SLX4IP: variants seen among roughly 807,000 people sequenced by gnomAD.
The protein encoded by SLX4IP is protein SLX4IP.
SLX4IP carries 34 observed loss-of-function variants against 32.9 expected under a neutral mutation model. That is an observed-to-expected ratio of 1.03 (90% CI 0.79 to 1.38). The LOEUF (loss-of-function observed/expected upper bound fraction) is 1.38, where lower values mean the gene tolerates loss of function less well. Ranked by LOEUF, SLX4IP falls within the 40% of genes most tolerant of loss-of-function variation. The probability of loss-of-function intolerance (pLI) is 0.00; values close to 1 mark genes in which losing one functional copy is unlikely to be tolerated. For synonymous variants in SLX4IP, 172 were observed against 171.7 expected (o/e 1.00, Z -0.01); for missense variants, 444 against 479.0 (o/e 0.93, Z 0.68).
chr20:10,498,534 T>G (rs999495290), intron 2 of SLX4IP, among the ~76,000 whole-genome samples: 1 of 152,174 alleles, frequency 6.6e-6, no homozygotes, highest in Non-Finnish European at 1.5e-5. Context: ...GTTATCTCAG[T>G]TTTGAAGTGT....
At chr20:10,621,537 T>C (rs1423373487) in intron 7 of SLX4IP, 123 bp downstream of exon 7, 1 of 777,398 alleles carries the variant, frequency 1.3e-6, no homozygotes, top group Non-Finnish European at 2.2e-6. Context: ...CGTCACGTAC[T>C]TACTCTCCCC....
At chr20:10,555,763 CA>C (rs2066260275) in intron 2 of SLX4IP, among the ~76,000 whole-genome samples, 2 of 152,252 alleles carry the variant, frequency 1.3e-5, no homozygotes, top group Admixed American at 1.3e-4. Flanking sequence ...ATTTCAATTC[CA>C]AAGTGTACCG....
rs555820023 is a variant in SLX4IP at position 10,483,865 on chromosome 20, C to G, written c.27+25634C>G. On this transcript the variant is annotated intron_variant, in intron 2 of 7. Coordinates refer to ENST00000334534, the MANE Select transcript of SLX4IP (RefSeq NM_001009608.3). ...CCTTCCTCTGAAGCAAATCGTAAGA[C>G]CTTATTTGAGAAGTGCCCTCTCTAT... Among the ~76,000 whole-genome samples the G allele has an allele frequency of 2.0e-5, 3 of 146,430 alleles. No homozygotes were observed. In the Admixed American group the frequency reaches 2.2e-4, roughly 11 times the overall value.
At chr20:10,496,774 G>C (rs919306122) in intron 2 of SLX4IP, among the ~76,000 whole-genome samples, 2 of 152,146 alleles carry the variant, frequency 1.3e-5, no homozygotes, top group African/African-American at 4.8e-5. Flanking sequence ...ACTGTGCCAG[G>C]TAGCCTTCTA....
intron 1 of SLX4IP, among the ~76,000 whole-genome samples, chr20:10,452,803 A>G (rs2065254148): frequency 6.6e-6 from 1 of 151,538 alleles, no homozygotes; most frequent in African/African-American, 2.4e-5. Flanking sequence ...GTGAGCCTAG[A>G]TTGAGCCACT....
intron 6 of SLX4IP, among the ~76,000 whole-genome samples, chr20:10,610,525 T>G (rs1466748300): frequency 6.6e-6 from 1 of 152,204 alleles, no homozygotes; most frequent in Non-Finnish European, 1.5e-5. Flanking sequence ...GCAGATGGCT[T>G]GGCCATCCAG....
chr20:10,440,614 C>A (rs1266211192), intron 1 of SLX4IP, among the ~76,000 whole-genome samples: 1 of 152,108 alleles, frequency 6.6e-6, no homozygotes, highest in Non-Finnish European at 1.5e-5. Flanking sequence ...TCCATCAGCT[C>A]CTTCCTCCCC....
intron 6 of SLX4IP, among the ~76,000 whole-genome samples, chr20:10,618,209 G>A (rs551682211): frequency 4.6e-5 from 7 of 152,270 alleles, no homozygotes; most frequent in Admixed American, 3.9e-4. Context: ...GGTCTCCAGA[G>A]TACCCCCAAA....
At chr20:10,467,367 A>G (rs2065388634) in intron 2 of SLX4IP, among the ~76,000 whole-genome samples, 1 of 152,210 alleles carries the variant, frequency 6.6e-6, no homozygotes, top group Non-Finnish European at 1.5e-5. Flanking sequence ...AAATGGTTAT[A>G]TTCCTTACTG....
At chr20:10,573,974 T>C (rs556705735) in intron 4 of SLX4IP, among the ~76,000 whole-genome samples, 19 of 152,256 alleles carry the variant, frequency 1.2e-4, no homozygotes, top group Non-Finnish European at 2.5e-4. Flanking sequence ...TTTTCAGGAA[T>C]GGGTAATTTG....
intron 3 of SLX4IP, among the ~76,000 whole-genome samples, chr20:10,556,546 A>G (rs1202406990): frequency 6.6e-6 from 1 of 152,152 alleles, no homozygotes; most frequent in Non-Finnish European, 1.5e-5. Context: ...TTTAAACCAG[A>G]CATTTTATAC....
chr20:10,590,434 C>T (rs1327104756), intron 4 of SLX4IP, among the ~76,000 whole-genome samples: 1 of 152,048 alleles, frequency 6.6e-6, no homozygotes, highest in African/African-American at 2.4e-5. Flanking sequence ...GATCTCGGCT[C>T]ACTGCAACCT....
At chr20:10,592,738 G>A (rs1284157779) in intron 4 of SLX4IP, among the ~76,000 whole-genome samples, 4 of 132,472 alleles carry the variant, frequency 3.0e-5, no homozygotes, top group Non-Finnish European at 4.6e-5. Context: ...GGGTTCAAAC[G>A]ATTCTCTTGC....
chr20:10,531,409 A>C (rs1168903088), intron 2 of SLX4IP, among the ~76,000 whole-genome samples: 2 of 152,164 alleles, frequency 1.3e-5, no homozygotes, highest in Non-Finnish European at 2.9e-5. Context: ...TGCCTCCTTG[A>C]TCTGACATGG....
At chr20:10,499,986 G>C (rs2065701781) in intron 2 of SLX4IP, among the ~76,000 whole-genome samples, 1 of 152,140 alleles carries the variant, frequency 6.6e-6, no homozygotes, top group Admixed American at 6.5e-5. Context: ...ACAATTATTA[G>C]ATGACTTATT....
At chr20:10,458,263 G>T (rs769433837) in intron 2 of SLX4IP, 32 bp downstream of exon 2, 2 of 1,541,044 alleles carry the variant, frequency 1.3e-6, no homozygotes, top group South Asian at 1.2e-5. Context: ...TTTAAAAAGA[G>T]GCTAATCACT....
chr20:10,498,150 G>A (rs1369027728), intron 2 of SLX4IP, among the ~76,000 whole-genome samples: 1 of 149,538 alleles, frequency 6.7e-6, no homozygotes, highest in East Asian at 1.9e-4. Context: ...TAGATTTGAT[G>A]ACATAGGTAA....
chr20:10,568,444 A>ATGCCAGG (rs1411494947), intron 4 of SLX4IP, among the ~76,000 whole-genome samples: 9 of 152,202 alleles, frequency 5.9e-5, no homozygotes, highest in Admixed American at 5.9e-4. Flanking sequence ...TGTAGTACTG[A>ATGCCAGG]TGCTAGGTGC....
At chr20:10,472,792 A>G (rs1284034564) in intron 2 of SLX4IP, among the ~76,000 whole-genome samples, 1 of 152,210 alleles carries the variant, frequency 6.6e-6, no homozygotes, top group Non-Finnish European at 1.5e-5. Context: ...GTTAGCACCC[A>G]TCCCTTTTCC....
Sources: gnomAD v4.1 joint callset for allele counts (sites outside exome capture counted in the v4.1 genomes callset) on GRCh38, gnomAD v4.1.1 for gene constraint, MANE v1.5 for transcripts, NCBI Gene and HGNC (gene_info 2026-07-23, HGNC 2026-07-21) for gene names.